TBC1D14: variants seen among roughly 807,000 people sequenced by gnomAD.
TBC1D14 encodes the protein TBC1 domain family, member 14.
In TBC1D14, 26 loss-of-function variants were observed where a neutral mutation model predicts 79.0. The observed-to-expected ratio is 0.33, with a 90% confidence interval of 0.24 to 0.46. The LOEUF (loss-of-function observed/expected upper bound fraction) is 0.46, where lower values mean the gene tolerates loss of function less well. TBC1D14 is among the 20% of genes least tolerant of loss of function. The pLI, the probability that TBC1D14 is intolerant of heterozygous loss-of-function variation, is 1.00. For synonymous variants in TBC1D14, 394 were observed against 349.9 expected, an observed-to-expected ratio of 1.13 and a Z score of -1.40; for missense variants, 769 against 887.6, an observed-to-expected ratio of 0.87 and a Z score of 1.70.
At position 6,923,681 on chromosome 4, in the gene TBC1D14, G is replaced by C; in HGVS notation, c.292G>C (p.Glu98Gln). 2 of 1,613,742 alleles carry C rather than the reference G, an allele frequency of 1.2e-6. No homozygotes were observed. The highest frequency in any genetic ancestry group is 1.1e-5 in the South Asian group (1 of 91,082). Residue 98 changes from glutamate to glutamine, a missense_variant, in exon 2 of 14, where the codon GAG (glutamate) becomes CAG (glutamine). Around this residue, in one of 2 missense-constraint regions of TBC1D14, gnomAD observed 402 missense variants for 393.2 expected, o/e 1.02. Transcript: ENST00000409757. ...GCAGTCCGACTCCGACCTCATCCCCGAGCGGGCCTTCCAGAGCGCCTGCGC... is the reference window on the plus strand; with the variant it reads ...GCAGTCCGACTCCGACCTCATCCCCCAGCGGGCCTTCCAGAGCGCCTGCGC... Reference protein sequence around the residue: ...RKQSDSDLIPERAFQSACALP... With the variant: ...RKQSDSDLIPQRAFQSACALP...
At chr4:6,995,338 T>C (rs1171635553) in intron 4 of TBC1D14, 3 of 152,228 alleles carry the variant, frequency 2.0e-5, no homozygotes, top group African/African-American at 4.8e-5. Flanking sequence ...TAACAAATGC[T>C]GTTAGGGTGC....
chr4:6,973,203 C>T (rs1269987835), intron 3 of TBC1D14, among the ~76,000 whole-genome samples: 3 of 152,112 alleles, frequency 2.0e-5, no homozygotes, highest in Non-Finnish European at 4.4e-5. Context: ...AATTTCAAGT[C>T]AGCTCTTAGA....
chr4:7,025,546 T>C (rs967083654), intron 13 of TBC1D14, among the ~76,000 whole-genome samples: 2 of 152,182 alleles, frequency 1.3e-5, no homozygotes, highest in African/African-American at 4.8e-5. Flanking sequence ...ATTATAGTGC[T>C]CTTTACATGT....
chr4:7,005,005 G>C, intron 8 of TBC1D14, 81 bp downstream of exon 8: 1 of 1,240,344 alleles, frequency 8.1e-7, no homozygotes, highest in Admixed American at 1.7e-5. Context: ...GAAAGTTGAC[G>C]TTAACTACAG....
chr4:6,925,025 G>T (rs1342753413), intron 2 of TBC1D14, among the ~76,000 whole-genome samples: 1 of 152,114 alleles, frequency 6.6e-6, no homozygotes, highest in Admixed American at 6.6e-5. Flanking sequence ...GGGTGCAGTG[G>T]GTCACTCCTG....
chr4:6,967,780 T>C (rs898220108), intron 3 of TBC1D14, among the ~76,000 whole-genome samples: 15 of 152,352 alleles, frequency 9.8e-5, no homozygotes, highest in South Asian at 4.1e-4. Context: ...TAAAGCTTTC[T>C]CCCGTGGGTT....
At chr4:6,992,453 C>T (rs1359990237) in intron 3 of TBC1D14, among the ~76,000 whole-genome samples, 1 of 152,158 alleles carries the variant, frequency 6.6e-6, no homozygotes, top group Non-Finnish European at 1.5e-5. Flanking sequence ...ATGGGTAACA[C>T]TTGCCAAGCA....
At chr4:6,947,083 C>T (rs924072120) in intron 2 of TBC1D14, among the ~76,000 whole-genome samples, 6 of 152,050 alleles carry the variant, frequency 3.9e-5, no homozygotes, top group Admixed American at 6.6e-5. Flanking sequence ...TAAGTTAGGC[C>T]GGCGCAGTGG....
chr4:6,955,312 T>G (rs1254149079), intron 2 of TBC1D14, among the ~76,000 whole-genome samples: 1 of 152,170 alleles, frequency 6.6e-6, no homozygotes, highest in African/African-American at 2.4e-5. Context: ...CTACCTTTGG[T>G]GAATAACAGG....
At chr4:6,990,975 G>A (rs1331616613) in intron 3 of TBC1D14, among the ~76,000 whole-genome samples, 34 of 152,300 alleles carry the variant, frequency 2.2e-4, no homozygotes, top group Non-Finnish European at 1.6e-4. Context: ...GGTTTGTCTG[G>A]CCTGGACAGT....
intron 6 of TBC1D14, 70 bp downstream of exon 6, chr4:6,999,272 A>T: frequency 7.3e-7 from 1 of 1,361,454 alleles, no homozygotes. Flanking sequence ...CCACAGCTGT[A>T]GTCGTCATAG....
chr4:7,000,967 TG>T (rs1719617494), intron 6 of TBC1D14, among the ~76,000 whole-genome samples, 177 bp from the exon 7 acceptor site: 3 of 152,254 alleles, frequency 2.0e-5, no homozygotes, highest in African/African-American at 7.2e-5. Flanking sequence ...CAGCTGCCAG[TG>T]GAAGGGGATT....
rs879609865 is a variant in TBC1D14, at chr4:6,977,573, T to G, written c.843+10149T>G. ...CTGGGAAGTGAGGAGCGTCTCTGCCTGGCCGCCCATCGTCTGGGATGTGAG... is the reference window on the plus strand; with the variant it reads ...CTGGGAAGTGAGGAGCGTCTCTGCCGGGCCGCCCATCGTCTGGGATGTGAG... On this transcript the variant is annotated intron_variant, in intron 3 of 13. Coordinates refer to ENST00000409757, the MANE Select transcript of TBC1D14 (RefSeq NM_020773.3). Among the ~76,000 whole-genome samples the G allele has an allele frequency of 4.4e-3, 555 of 127,484 alleles. 12 individuals are homozygous for G. Among genetic ancestry groups the G allele is most frequent in the Admixed American group, 0.037 (486 of 13,066 alleles). The allele number at this position is 127,484 out of a possible 152,430, so 83.6% of individuals were successfully genotyped here.
At chr4:6,912,093 G>A (rs748797422) in intron 1 of TBC1D14, among the ~76,000 whole-genome samples, 3 of 152,072 alleles carry the variant, frequency 2.0e-5, no homozygotes, top group Non-Finnish European at 2.9e-5. Context: ...TTAGGACCAC[G>A]TATAAATAAA....
chr4:7,005,427 C>G (rs530262907), intron 8 of TBC1D14, among the ~76,000 whole-genome samples: 1 of 152,074 alleles, frequency 6.6e-6, no homozygotes, highest in African/African-American at 2.4e-5. Flanking sequence ...CCTAGCTACT[C>G]GGGAGGCCGA....
chr4:6,951,215 C>T (rs898887830), intron 2 of TBC1D14, among the ~76,000 whole-genome samples: 2 of 152,126 alleles, frequency 1.3e-5, no homozygotes, highest in African/African-American at 4.8e-5. Flanking sequence ...TCGCTTGAAC[C>T]CAAGAGATGG....
chr4:7,005,734 C>G (rs6819148), intron 8 of TBC1D14, among the ~76,000 whole-genome samples: 1 of 151,936 alleles, frequency 6.6e-6, no homozygotes, highest in Non-Finnish European at 1.5e-5. Flanking sequence ...CCAGTTCCTG[C>G]GAGGTGTTTG....
intron 3 of TBC1D14, among the ~76,000 whole-genome samples, chr4:6,983,969 C>A (rs1717598275): frequency 6.6e-6 from 1 of 152,174 alleles, no homozygotes; most frequent in Non-Finnish European, 1.5e-5. Flanking sequence ...TTGGTGCAAA[C>A]ACTGTGGATC....
intron 3 of TBC1D14, among the ~76,000 whole-genome samples, chr4:6,976,371 C>A (rs1204986518): frequency 6.6e-6 from 1 of 152,096 alleles, no homozygotes; most frequent in Non-Finnish European, 1.5e-5. Context: ...AAGTCCATGT[C>A]CAGATACATC....
Sources: allele counts gnomAD v4.1 joint callset (sites outside exome capture counted in the v4.1 genomes callset), GRCh38; gene constraint gnomAD v4.1.1; regional missense constraint gnomAD v4.1.1; transcripts MANE v1.5; gene names NCBI Gene and HGNC (gene_info 2026-07-23, HGNC 2026-07-21).